The following FOXJ2 variants were observed in gnomAD, a reference collection of about 807,000 sequenced individuals.
FOXJ2 encodes the protein forkhead box protein J2.
Under a neutral mutation model 68.4 loss-of-function variants are expected in FOXJ2, and 18 were observed. That is an observed-to-expected ratio of 0.26 (90% CI 0.18 to 0.39). The LOEUF (loss-of-function observed/expected upper bound fraction) is 0.39, where lower values mean the gene tolerates loss of function less well. Ranked by LOEUF, FOXJ2 falls within the 10% of genes least tolerant of loss-of-function variation. The probability of loss-of-function intolerance (pLI) is 1.00; values close to 1 mark genes in which losing one functional copy is unlikely to be tolerated. For missense variants in FOXJ2, 670 were observed against 726.5 expected (o/e 0.92, Z 0.89); for synonymous variants, 274 against 263.2 (o/e 1.04, Z -0.40).
chr12:8,052,522 A>C (rs957966085), intron 10 of FOXJ2, among the ~76,000 whole-genome samples: 10 of 152,210 alleles, frequency 6.6e-5, no homozygotes, highest in Non-Finnish European at 1.3e-4. Context: ...CTGGCGTCAG[A>C]AGTATAATTG....
chr12:8,039,950 C>G lies in FOXJ2; in HGVS notation c.118C>G (p.Arg40Gly). ...ASQAGPPGSS[R>G]KCSPGSPTDP... ...CCAGGCTGGGCCTCCCGGGAGCAGC[C>G]GCAAGTGTTCACCAGGGTCACCCAC... The change falls in exon 2 of 11, where the codon CGC becomes GGC. Residue 40 changes from arginine (R) to glycine (G), a missense_variant. Arg to Gly is a moderately radical substitution (Grantham distance 125). Coordinates refer to ENST00000162391, the MANE Select transcript of FOXJ2 (RefSeq NM_018416.3). The G allele has an allele frequency of 6.2e-7, 1 of 1,614,038 alleles. No homozygotes were observed. Among genetic ancestry groups the G allele is most frequent in the East Asian group, 2.2e-5 (1 of 44,862 alleles).
rs1440462464 is a variant in FOXJ2 at position 8,035,841 on chromosome 12, C to T, written c.-15+2008C>T. ...CCGGGAAGATAAGAGATGATAGTTCCTCATTCCTTCATCCTTAGAGTCTTC... is the reference window on the plus strand; with the variant it reads ...CCGGGAAGATAAGAGATGATAGTTCTTCATTCCTTCATCCTTAGAGTCTTC... On this transcript the variant is annotated intron_variant, in intron 1 of 10. Coordinates refer to ENST00000162391, the MANE Select transcript of FOXJ2 (RefSeq NM_018416.3). This position sits in a 1 kb window ranked among gnomAD's most constrained non-coding sequence, Gnocchi z 4.0. 1.3e-5 allele frequency among the ~76,000 whole-genome samples: 2 copies of T among 152,136 alleles called. No homozygotes were observed. Among genetic ancestry groups the T allele is most frequent in the Non-Finnish European group, 2.9e-5 (2 of 68,026 alleles).
intron 1 of FOXJ2, among the ~76,000 whole-genome samples, chr12:8,034,378 A>G (rs776963932): frequency 6.6e-6 from 1 of 152,208 alleles, no homozygotes; most frequent in South Asian, 2.1e-4. Context: ...TGCTCATCCT[A>G]TCTCAGATAC....
chr12:8,052,757 A>G lies in FOXJ2; in HGVS notation c.1637-5A>G, dbSNP rs748576829. On this transcript the variant is annotated splice_polypyrimidine_tract_variant and splice_region_variant and intron_variant, in intron 10 of 10. Coordinates refer to ENST00000162391, the MANE Select transcript of FOXJ2 (RefSeq NM_018416.3). ...CCTTTTACTCTCTTTCTTTCTTTCT[A>G]ACAGCACACCATATGGTCCCTCGGC... is the stretch of plus-strand genomic sequence containing the variant. The G allele has an allele frequency of 1.9e-6, 3 of 1,605,682 alleles. No individual in the cohort carries two copies. The highest frequency in any genetic ancestry group is 1.7e-6 in the Non-Finnish European group (2 of 1,175,462).
intron 9 of FOXJ2, chr12:8,050,046 C>G: frequency 5.5e-6 from 1 of 182,672 alleles, no homozygotes; most frequent in Non-Finnish European, 1.1e-5. Flanking sequence ...TCACGGCTCA[C>G]TGCAACCTTG....
chr12:8,048,104 C>G lies in FOXJ2; in HGVS notation c.1040C>G (p.Pro347Arg). The change falls in exon 7 of 11, where the codon CCA becomes CGA. Residue 347 changes from proline (P) to arginine (R), a missense_variant. By Grantham distance (103) the Pro-to-Arg change is moderately radical. Coordinates refer to ENST00000162391, the MANE Select transcript of FOXJ2 (RefSeq NM_018416.3). Reference protein sequence around the residue: ...HTPSTDGCTPPGGKQAGAEGY... With the variant: ...HTPSTDGCTPRGGKQAGAEGY... ...CCAAGCACAGATGGTTGTACCCCAC[C>G]AGGGGGAAAGCAAGCTGGGGCGGAA... 4 of 1,612,496 alleles carry G rather than the reference C, an allele frequency of 2.5e-6. No homozygotes were observed. The East Asian group carries it at 8.9e-5, about 36-fold the overall frequency.
chr12:8,040,663 C>T lies in FOXJ2; in HGVS notation c.333+498C>T, dbSNP rs1048783647. Among the ~76,000 whole-genome samples, 2 of 152,012 alleles carry T rather than the reference C, an allele frequency of 1.3e-5. No homozygotes were observed. Among genetic ancestry groups the T allele is most frequent in the South Asian group, 2.1e-4 (1 of 4,818 alleles). ...GTCTCGAACTCCAGATCTCATTATC[C>T]ACCCGCCTCAGCCTCCCAAAGTGCT... On this transcript the variant is annotated intron_variant, in intron 2 of 10. Coordinates refer to ENST00000162391, the MANE Select transcript of FOXJ2 (RefSeq NM_018416.3). This position sits in a 1 kb window ranked among gnomAD's most constrained non-coding sequence, Gnocchi z 4.0.
intron 7 of FOXJ2, 106 bp from the exon 8 acceptor site, chr12:8,048,591 A>G (rs1036020993): frequency 1.9e-4 from 234 of 1,246,320 alleles, no homozygotes; most frequent in Non-Finnish European, 2.7e-4. Flanking sequence ...TGCAACTGCT[A>G]ATCTGTATAG....
intron 9 of FOXJ2, chr12:8,050,056 GA>G (rs1392877612): frequency 1.1e-5 from 2 of 179,282 alleles, no homozygotes; most frequent in African/African-American, 4.7e-5. Flanking sequence ...CTGCAACCTT[GA>G]CCCCTGGAGC....
chr12:8,045,572 G>A (rs770462727), intron 6 of FOXJ2, among the ~76,000 whole-genome samples: 8 of 152,234 alleles, frequency 5.3e-5, no homozygotes, highest in Middle Eastern at 3.4e-3. Flanking sequence ...GGCTGGTCTC[G>A]AACTCCTGGC....
Position 8,047,929 on chromosome 12 carries a change from A to G in FOXJ2, c.865A>G (p.Met289Val). 1.9e-6 allele frequency: 3 copies of G among 1,612,386 alleles called. No homozygotes were observed. Among genetic ancestry groups the G allele is most frequent in the Non-Finnish European group, 2.5e-6 (3 of 1,179,032 alleles). The change falls in exon 7 of 11, where the codon ATG (methionine) becomes GTG (valine). Residue 289 changes from methionine to valine, a missense_variant. Physicochemically the swap from Met to Val is conservative, Grantham distance 21 (BLOSUM62 1). Around this residue, in one of 2 missense-constraint regions of FOXJ2, gnomAD observed 555 missense variants for 562.2 expected, o/e 0.99. Coordinates refer to ENST00000162391, the MANE Select transcript of FOXJ2 (RefSeq NM_018416.3). ...GDIPPSNNYY[M>V]YQQQQPPPPQ... ...CATCCCACCCTCGAACAACTACTACATGTATCAGCAGCAGCAGCCACCGCC... is the reference window on the plus strand; with the variant it reads ...CATCCCACCCTCGAACAACTACTACGTGTATCAGCAGCAGCAGCCACCGCC...
chr12:8,033,126 C>T lies in FOXJ2; in HGVS notation c.-722C>T, dbSNP rs1946856556. The T allele has an allele frequency of 5.5e-6, 2 of 361,296 alleles. No homozygotes were observed. Among genetic ancestry groups the T allele is most frequent in the South Asian group, 3.0e-4 (2 of 6,708 alleles). The allele number at this position is 361,296 out of a possible 1,614,324, so 22.4% of individuals were successfully genotyped here. A position where few individuals can be genotyped will look rare whatever the true frequency, so the allele number is the denominator to read the frequency against. On this transcript the variant is annotated 5_prime_UTR_variant, in exon 1 of 11. Transcript: ENST00000162391. ...CTCTCCTGCCTAGAGGCGAGGAAGA[C>T]CCCTGTACTGGCCGGGGAGGAGACC...
chr12:8,052,741 C>T, intron 10 of FOXJ2, 21 bp from the exon 11 acceptor site: 1 of 1,587,374 alleles, frequency 6.3e-7, no homozygotes, highest in Non-Finnish European at 8.6e-7. Context: ...TCCTTTTACT[C>T]TCTTTCTTTC....
intron 9 of FOXJ2, 121 bp downstream of exon 9, chr12:8,049,692 G>A: frequency 1.3e-5 from 11 of 855,712 alleles, no homozygotes; most frequent in Non-Finnish European, 1.9e-5. Flanking sequence ...TTGAGCAGTG[G>A]AACTAGTTTA....
At position 8,040,193 on chromosome 12, in the gene FOXJ2, A is replaced by G. The variant is rs952617945; in HGVS notation, c.333+28A>G. 6.2e-7 allele frequency: 1 copy of G among 1,606,750 alleles called. No homozygotes were observed. Among genetic ancestry groups the G allele is most frequent in the Admixed American group, 1.7e-5 (1 of 59,728 alleles). ...GGGAATGCTTCTATAATCTTGGCTT[A>G]GGTTTAGGCTTCAACAGCCTTTTTA... On this transcript the variant is annotated intron_variant, in intron 2 of 10. Coordinates refer to ENST00000162391, the MANE Select transcript of FOXJ2 (RefSeq NM_018416.3). The surrounding 1 kb of genome is among the most constrained non-coding windows in gnomAD (Gnocchi z 4.0).
chr12:8,042,854 T>A (rs1946983053), intron 3 of FOXJ2, 122 bp downstream of exon 3: 1 of 817,036 alleles, frequency 1.2e-6, no homozygotes, highest in Admixed American at 2.5e-5. Flanking sequence ...TAGAGAAGCA[T>A]CTTTATTTTT....
Position 8,040,289 on chromosome 12 carries a change from T to A in FOXJ2, c.333+124T>A. On this transcript the variant is annotated intron_variant, in intron 2 of 10. Transcript: ENST00000162391. This position sits in a 1 kb window ranked among gnomAD's most constrained non-coding sequence, Gnocchi z 4.0. ...GGTTTGTCTCAGAGATGTGAAAACT[T>A]AAAATCTCATATGTTCTGCCCTCTA... 6.0e-6 allele frequency: 6 copies of A among 994,172 alleles called. No homozygotes were observed. Among genetic ancestry groups the A allele is most frequent in the Non-Finnish European group, 8.7e-6 (6 of 686,428 alleles). The allele number at this position is 994,172 out of a possible 1,614,324, so 61.6% of individuals were successfully genotyped here. A position where few individuals can be genotyped will look rare whatever the true frequency, so the allele number is the denominator to read the frequency against.
In FOXJ2 at chr12:8,053,474, G is replaced by A. The variant is rs1015822656; in HGVS notation, c.*624G>A. ...CCAGTCTGTATTTCCTATCAAGGGTGAAAGTGATGATGGTGGTGCAGGAGG... is the reference window on the plus strand; with the variant it reads ...CCAGTCTGTATTTCCTATCAAGGGTAAAAGTGATGATGGTGGTGCAGGAGG... On this transcript the variant is annotated 3_prime_UTR_variant, in exon 11 of 11. Coordinates refer to ENST00000162391, the MANE Select transcript of FOXJ2 (RefSeq NM_018416.3). This position sits in a 1 kb window ranked among gnomAD's most constrained non-coding sequence, Gnocchi z 4.1. The A allele has an allele frequency of 2.6e-5, 4 of 152,704 alleles. No homozygotes were observed. The highest frequency in any genetic ancestry group is 5.9e-5 in the Non-Finnish European group (4 of 68,080). 9.5% of individuals were successfully genotyped at this position (152,704 alleles called of 1,614,324 possible).
intron 10 of FOXJ2, among the ~76,000 whole-genome samples, chr12:8,051,265 G>A (rs190281242): frequency 6.6e-6 from 1 of 151,804 alleles, no homozygotes; most frequent in East Asian, 2.0e-4. Flanking sequence ...AACTAGCTGG[G>A]ACTACAGACC....
Sources: gnomAD v4.1 joint callset for allele counts (sites outside exome capture counted in the v4.1 genomes callset) on GRCh38, gnomAD v4.1.1 for gene constraint, gnomAD v4.1.1 regional missense constraint, Gnocchi (gnomAD v3.1) non-coding constraint, MANE v1.5 for transcripts, NCBI Gene and HGNC (gene_info 2026-07-23, HGNC 2026-07-21) for gene names.